ACER1: variants seen among roughly 807,000 people sequenced by gnomAD.
The protein encoded by ACER1 is alkaline ceramidase 1.
In ACER1, 28 loss-of-function variants were observed where a neutral mutation model predicts 24.9. The observed-to-expected ratio is 1.13, with a 90% CI of 0.83 to 1.54. The LOEUF (loss-of-function observed/expected upper bound fraction) is 1.54, where lower values mean the gene tolerates loss of function less well. Ranked by LOEUF, ACER1 falls within the 40% of genes most tolerant of loss-of-function variation. The pLI is 0.00. For synonymous variants in ACER1, 132 were observed against 131.4 expected (o/e 1.00, Z -0.03); for missense variants, 352 against 349.3 (o/e 1.01, Z -0.06).
chr19:6,310,290 T>C (rs1375480703), intron 3 of ACER1, among the ~76,000 whole-genome samples: 1 of 150,160 alleles, frequency 6.7e-6, no homozygotes, highest in Non-Finnish European at 1.5e-5. Context: ...GGTTTCACCA[T>C]GTTAGCCAGG....
chr19:6,312,027 G>C, intron 3 of ACER1, 122 bp downstream of exon 3: 1 of 1,328,544 alleles, frequency 7.5e-7, no homozygotes. Flanking sequence ...GTGGTCAGGG[G>C]AGGAATTCCA....
chr19:6,314,913 A>C (rs1241698738), intron 1 of ACER1, among the ~76,000 whole-genome samples: 5 of 141,758 alleles, frequency 3.5e-5, no homozygotes, highest in Non-Finnish European at 7.5e-5. Flanking sequence ...TATTTTTGAG[A>C]TGGAGTATTG....
chr19:6,343,175 T>C, the ACER1 span, among the ~76,000 whole-genome samples: 6 of 152,172 alleles, frequency 3.9e-5, no homozygotes, highest in African/African-American at 1.4e-4. Flanking sequence ...TGGAAAATAA[T>C]TTGACATTAC....
the ACER1 span, among the ~76,000 whole-genome samples, chr19:6,339,311 C>A: frequency 6.6e-6 from 1 of 152,148 alleles, no homozygotes; most frequent in Non-Finnish European, 1.5e-5. Flanking sequence ...CTGATACAGG[C>A]AACAACGTGG....
rs751098853 is a variant in ACER1 at position 6,327,744 on chromosome 19, CAT to C, written c.93+5713_93+5714del. ...GAAAAATTAAAAGATTATTTTGTGACATGTGAAAATTATATGAAATGCACATT... is the reference window on the plus strand; with the variant it reads ...GAAAAATTAAAAGATTATTTTGTGACGTGAAAATTATATGAAATGCACATT... On this transcript the variant is annotated intron_variant, in intron 1 of 5. Coordinates refer to ENST00000301452, the MANE Select transcript of ACER1 (RefSeq NM_133492.3). Among the ~76,000 whole-genome samples, 14 of 151,880 alleles carry C rather than the reference CAT, an allele frequency of 9.2e-5. No individual in the cohort carries two copies. The East Asian group carries it at 1.2e-3, about 13-fold the overall frequency.
chr19:6,312,404 C>A lies in ACER1; in HGVS notation c.189G>T (p.Trp63Cys). 1 of 1,613,964 alleles carries A rather than the reference C, an allele frequency of 6.2e-7. No individual in the cohort carries two copies. Among genetic ancestry groups the A allele is most frequent in the Non-Finnish European group, 8.5e-7 (1 of 1,179,994 alleles). ...QKRSRYIYVV[W>C]VLFMIIGLFS... ...CCCTACCTATGATCATGAAGAGGAC[C>A]CAGACAACGTAAATGTAGCGGGAGC... Residue 63 changes from tryptophan to cysteine, a missense_variant, in exon 2 of 6, where the codon TGG becomes TGT. Physicochemically the swap from Trp to Cys is radical, Grantham distance 215. Transcript: ENST00000301452.
At chr19:6,327,710 C>T (rs1349989104) in intron 1 of ACER1, among the ~76,000 whole-genome samples, 1 of 151,956 alleles carries the variant, frequency 6.6e-6, no homozygotes, top group Non-Finnish European at 1.5e-5. Flanking sequence ...TTTACATTTT[C>T]AAATGATTGA....
At chr19:6,334,506 A>G (rs1312573151), upstream of ACER1, among the ~76,000 whole-genome samples, 1 of 152,006 alleles carries the variant, frequency 6.6e-6, no homozygotes, top group Non-Finnish European at 1.5e-5. Flanking sequence ...CACCATGCCC[A>G]GCTAATTTTT....
At chr19:6,335,035 T>C (rs896475296), upstream of ACER1, among the ~76,000 whole-genome samples, 3 of 147,018 alleles carry the variant, frequency 2.0e-5, no homozygotes, top group African/African-American at 7.4e-5. Flanking sequence ...TTATTTATTA[T>C]ATAATAGCAA....
chr19:6,316,251 TA>T (rs1158522941), intron 1 of ACER1, among the ~76,000 whole-genome samples: 4 of 152,018 alleles, frequency 2.6e-5, no homozygotes, highest in African/African-American at 9.7e-5. Context: ...CTGGGCAACA[TA>T]GTGAGACCCC....
chr19:6,345,932 T>G, the ACER1 span, among the ~76,000 whole-genome samples: 1 of 151,554 alleles, frequency 6.6e-6, no homozygotes. Flanking sequence ...CTCCCTATAT[T>G]GCCCAGGCTG....
chr19:6,324,780 AAG>A (rs199565479), intron 1 of ACER1, among the ~76,000 whole-genome samples: 1 of 150,372 alleles, frequency 6.7e-6, no homozygotes. Flanking sequence ...AAGAAAGAGA[AAG>A]AGAGAGAAGA....
chr19:6,337,593 A>G (rs2091718996), upstream of ACER1, among the ~76,000 whole-genome samples: 1 of 139,760 alleles, frequency 7.2e-6, no homozygotes, highest in African/African-American at 2.7e-5. Flanking sequence ...AGCTGGGATT[A>G]CAGGCGTGGA....
At chr19:6,339,850 A>G in the ACER1 span, among the ~76,000 whole-genome samples, 2 of 151,838 alleles carry the variant, frequency 1.3e-5, no homozygotes, top group Non-Finnish European at 2.9e-5. Context: ...TATTTTTAGT[A>G]GAGACGGGGT....
intron 1 of ACER1, among the ~76,000 whole-genome samples, chr19:6,316,441 C>A (rs1200702690): frequency 6.6e-6 from 1 of 152,070 alleles, no homozygotes; most frequent in Non-Finnish European, 1.5e-5. Flanking sequence ...CTGTCTCACA[C>A]ACACACACAA....
chr19:6,339,855 CG>C, the ACER1 span, among the ~76,000 whole-genome samples: 1 of 151,778 alleles, frequency 6.6e-6, no homozygotes, highest in African/African-American at 2.4e-5. Flanking sequence ...TTAGTAGAGA[CG>C]GGGTTTCACC....
chr19:6,313,525 C>G (rs570829630), intron 1 of ACER1, among the ~76,000 whole-genome samples: 1 of 152,124 alleles, frequency 6.6e-6, no homozygotes, highest in South Asian at 2.1e-4. Flanking sequence ...GGCCTTGTGG[C>G]CTTTTGACCT....
the ACER1 span, among the ~76,000 whole-genome samples, chr19:6,359,126 G>A: frequency 2.0e-5 from 3 of 151,946 alleles, no homozygotes; most frequent in Non-Finnish European, 4.4e-5. Flanking sequence ...TAGCTACTTG[G>A]GAGGCTGAGG....
chr19:6,323,289 G>A (rs10424165), intron 1 of ACER1, among the ~76,000 whole-genome samples: 94,874 of 151,480 alleles, frequency 0.63, 31,420 homozygotes, highest in Non-Finnish European at 0.73. Flanking sequence ...GCGAGGTGGC[G>A]GGTGCCTGTA....
Sources: gnomAD v4.1 joint callset for allele counts (sites outside exome capture counted in the v4.1 genomes callset) on GRCh38, gnomAD v4.1.1 for gene constraint, MANE v1.5 for transcripts, NCBI Gene and HGNC (gene_info 2026-07-23, HGNC 2026-07-21) for gene names.